The following EML1 variants were observed in gnomAD, a reference collection of about 807,000 sequenced individuals.
EML1 encodes the protein EMAP like 1, also known as echinoderm microtubule-associated protein-like 1.
In EML1, 27 loss-of-function variants were observed where a neutral mutation model predicts 110.4. That is an observed-to-expected ratio of 0.24 (90% CI 0.18 to 0.34). The LOEUF is 0.34. Among genes scored for constraint, EML1 ranks in the 10% least tolerant of loss-of-function variants. EML1 has a pLI of 1.00. For synonymous variants in EML1, 344 were observed against 385.8 expected (o/e 0.89, Z 1.27); for missense variants, 741 against 1,030.9 (o/e 0.72, Z 3.85).
intron 1 of EML1, among the ~76,000 whole-genome samples, chr14:99,756,947 C>A (rs1566851404): frequency 6.6e-6 from 1 of 152,144 alleles, no homozygotes; most frequent in African/African-American, 2.4e-5. Context: ...GCGCGTGCTC[C>A]TGTGCCCACA....
intron 17 of EML1, among the ~76,000 whole-genome samples, chr14:99,927,063 A>G (rs1325525335): frequency 1.3e-5 from 2 of 152,212 alleles, no homozygotes; most frequent in Non-Finnish European, 2.9e-5. Context: ...CTTATTTTTA[A>G]TATAACCACA....
At chr14:99,870,964 A>G (rs188733141) in intron 3 of EML1, among the ~76,000 whole-genome samples, 297 of 146,718 alleles carry the variant, frequency 2.0e-3, no homozygotes, top group Admixed American at 5.9e-3. Flanking sequence ...AGGAAATAAC[A>G]TTTTTTTTTT....
At position 99,914,608 on chromosome 14, in the gene EML1, A is replaced by C. The variant is rs1317289875; in HGVS notation, c.1663A>C (p.Lys555Gln). The C allele has an allele frequency of 1.2e-6, 2 of 1,610,598 alleles. No homozygotes were observed. Among genetic ancestry groups the C allele is most frequent in the African/African-American group, 2.7e-5 (2 of 74,606 alleles). The change falls in exon 15 of 22, where the codon AAA (lysine) becomes CAA (glutamine). Residue 555 changes from lysine (K) to glutamine (Q), a missense_variant. By Grantham distance (53) the Lys-to-Gln change is moderately conservative. This residue lies in a region of EML1 where 388 missense variants were observed against 605.6 expected (regional missense o/e 0.64). Transcript: ENST00000262233. ...CTGGGGACTGGCCATCCATGCCTCA[A>C]AATCTCAGTTCTTGACCTGTGGGCA... Reference protein sequence around the residue: ...ELWGLAIHASKSQFLTCGHDK... With the variant: ...ELWGLAIHASQSQFLTCGHDK...
chr14:99,789,393 G>C (rs2057635162), upstream of EML1, among the ~76,000 whole-genome samples: 1 of 152,140 alleles, frequency 6.6e-6, no homozygotes, highest in South Asian at 2.1e-4. Flanking sequence ...ATTTTTAGTA[G>C]AGATGGGGTT....
Position 99,923,534 on chromosome 14 carries a change from T to A in EML1, c.1909+2657T>A, listed in dbSNP as rs948551322. On this transcript the variant is annotated intron_variant, in intron 17 of 21. Transcript: ENST00000262233. ...AGAGGTATCTAGTTGTCCCAAGCAC[T>A]TTTTGTTGAAAACACAGTCTTTCCC... 1.5e-4 allele frequency among the ~76,000 whole-genome samples: 8 copies of A among 52,192 alleles called. No homozygotes were observed. In the African/African-American group the frequency reaches 4.3e-3, roughly 28 times the overall value. The allele number at this position is 52,192 out of a possible 152,430, so 34.2% of individuals were successfully genotyped here. A position where few individuals can be genotyped will look rare whatever the true frequency, so the allele number is the denominator to read the frequency against.
Position 99,761,210 on chromosome 14 carries a change from T to C in EML1, c.28+23350T>C, listed in dbSNP as rs576490326. Reference sequence around the variant, plus strand: ...CAGCTTGAGAGTGGCAGAGTCAGGATTGGAACTCAGGCTGACTCTGGAGAC... The same window carrying C: ...CAGCTTGAGAGTGGCAGAGTCAGGACTGGAACTCAGGCTGACTCTGGAGAC... On this transcript the variant is annotated intron_variant, in intron 1 of 10. Coordinates refer to the EML1 transcript ENST00000554479. 1.4e-4 allele frequency among the ~76,000 whole-genome samples: 22 copies of C among 152,150 alleles called. No individual in the cohort carries two copies. The South Asian group carries it at 4.4e-3, about 30-fold the overall frequency.
At chr14:99,763,809 G>A (rs1395518573) in intron 1 of EML1, among the ~76,000 whole-genome samples, 1 of 152,158 alleles carries the variant, frequency 6.6e-6, no homozygotes, top group African/African-American at 2.4e-5. Flanking sequence ...CTGGCTCTCA[G>A]GGCAGCAGGG....
intron 17 of EML1, among the ~76,000 whole-genome samples, chr14:99,933,505 A>G (rs1007202928): frequency 1.3e-5 from 2 of 152,220 alleles, no homozygotes; most frequent in African/African-American, 4.8e-5. Context: ...GACCTTTTGC[A>G]TAAGAGTGGA....
In EML1 at chr14:99,909,399, A is replaced by G. The variant is rs1225434944; in HGVS notation, c.1159A>G (p.Ile387Val). The G allele has an allele frequency of 3.1e-6, 5 of 1,614,084 alleles. No individual in the cohort carries two copies. The South Asian group carries it at 3.3e-5, about 11-fold the overall frequency. ...TTTCCACCCCACGGACACCAACATC[A>G]TAGTTACTTGTGGAAAATCACATCT... ...ADFHPTDTNI[I>V]VTCGKSHLYF... The change falls in exon 11 of 22, where the codon ATA becomes GTA. Residue 387 changes from isoleucine (I) to valine (V), a missense_variant. Transcript: ENST00000262233.
Position 99,784,612 on chromosome 14 carries a change from T to C in EML1, c.-27+10599T>C, listed in dbSNP as rs769409850. Among the ~76,000 whole-genome samples, 5 of 152,226 alleles carry C rather than the reference T, an allele frequency of 3.3e-5. No individual in the cohort carries two copies. The highest frequency in any genetic ancestry group is 6.5e-5 in the Admixed American group (1 of 15,272). ...GTCTGAAGTTCATGATTCTGCAGTG[T>C]TGACATTGTGTAATAGGATAATGAA... On this transcript the variant is annotated intron_variant, in intron 1 of 22. Coordinates refer to the EML1 transcript ENST00000327921. This position sits in a 1 kb window ranked among gnomAD's most constrained non-coding sequence, Gnocchi z 4.5.
chr14:99,757,539 G>C (rs185523970), intron 1 of EML1, among the ~76,000 whole-genome samples: 1 of 152,180 alleles, frequency 6.6e-6, no homozygotes, highest in African/African-American at 2.4e-5. Flanking sequence ...ACACAGCAAG[G>C]CTTCAACCTA....
chr14:99,787,284 T>G (rs2057611454), intron 1 of EML1, among the ~76,000 whole-genome samples: 1 of 149,026 alleles, frequency 6.7e-6, no homozygotes, highest in South Asian at 2.2e-4. Flanking sequence ...TTTTTTTTTT[T>G]TTTTTGAGAC....
Position 99,784,974 on chromosome 14 carries a change from G to A in EML1, c.-27+10961G>A, listed in dbSNP as rs1595276863. ...ATTGACAGGGGCCAAAGAACTGGAA[G>A]AACTAGAGGAGCCATGAAGGACCCT... is the stretch of plus-strand genomic sequence containing the variant. On this transcript the variant is annotated intron_variant, in intron 1 of 22. Coordinates refer to the EML1 transcript ENST00000327921. The surrounding 1 kb of genome is among the most constrained non-coding windows in gnomAD (Gnocchi z 4.5). Among the ~76,000 whole-genome samples the A allele has an allele frequency of 6.6e-6, 1 of 152,240 alleles. No individual in the cohort carries two copies. Among genetic ancestry groups the A allele is most frequent in the Non-Finnish European group, 1.5e-5 (1 of 68,048 alleles).
chr14:99,806,913 T>C (rs1403425688), intron 1 of EML1, among the ~76,000 whole-genome samples: 1 of 152,202 alleles, frequency 6.6e-6, no homozygotes, highest in African/African-American at 2.4e-5. Flanking sequence ...GCCAATAACA[T>C]GCATTCTCTC....
At chr14:99,769,688 T>C (rs1440933939), upstream of EML1, among the ~76,000 whole-genome samples, 1 of 152,190 alleles carries the variant, frequency 6.6e-6, no homozygotes, top group Non-Finnish European at 1.5e-5. Flanking sequence ...TCAGGACAAA[T>C]GTCATGATGG....
chr14:99,850,826 G>T, intron 1 of EML1, 27 bp from the exon 2 acceptor site: 2 of 1,605,604 alleles, frequency 1.2e-6, no homozygotes, highest in Non-Finnish European at 1.7e-6. Flanking sequence ...AACACTTAAA[G>T]CTCACTTGAT....
chr14:99,845,008 A>G (rs531895761), intron 1 of EML1, among the ~76,000 whole-genome samples: 1 of 152,234 alleles, frequency 6.6e-6, no homozygotes, highest in South Asian at 2.1e-4. Flanking sequence ...TTGTATGAAT[A>G]TTGTTCATTT....
intron 1 of EML1, among the ~76,000 whole-genome samples, chr14:99,764,163 T>G (rs1212294658): frequency 6.6e-6 from 1 of 152,208 alleles, no homozygotes; most frequent in Non-Finnish European, 1.5e-5. Flanking sequence ...CCTCTCTGTG[T>G]GGCTCACTCT....
intron 1 of EML1, among the ~76,000 whole-genome samples, chr14:99,830,485 T>G (rs747440470): frequency 6.6e-6 from 1 of 152,114 alleles, no homozygotes; most frequent in Non-Finnish European, 1.5e-5. Context: ...TTAATCATCG[T>G]TTCCTCTTCC....
Sources: gnomAD v4.1 joint callset for allele counts (sites outside exome capture counted in the v4.1 genomes callset) on GRCh38, gnomAD v4.1.1 for gene constraint, gnomAD v4.1.1 regional missense constraint, Gnocchi (gnomAD v3.1) non-coding constraint, MANE v1.5 for transcripts, NCBI Gene and HGNC (gene_info 2026-07-23, HGNC 2026-07-21) for gene names.